The following PCSK2 variants were observed in gnomAD, a reference collection of about 807,000 sequenced individuals.
The protein encoded by PCSK2 is neuroendocrine convertase 2.
PCSK2 carries 14 observed loss-of-function variants against 69.7 expected under a neutral mutation model. That is an observed-to-expected ratio of 0.20 (90% CI 0.13 to 0.31). The LOEUF is 0.31. Among genes scored for constraint, PCSK2 ranks in the 10% least tolerant of loss-of-function variants. The probability of loss-of-function intolerance (pLI) is 1.00; values close to 1 mark genes in which losing one functional copy is unlikely to be tolerated. For synonymous variants in PCSK2, 307 were observed against 320.7 expected, an observed-to-expected ratio of 0.96 and a Z score of 0.46; for missense variants, 544 against 842.5, an observed-to-expected ratio of 0.65 and a Z score of 4.39.
At chr20:17,335,198 G>GA (rs1162549485) in intron 2 of PCSK2, among the ~76,000 whole-genome samples, 3 of 151,976 alleles carry the variant, frequency 2.0e-5, no homozygotes, top group Admixed American at 6.6e-5. Flanking sequence ...GAGATTGGGG[G>GA]GGTTGTCTGA....
chr20:17,386,938 G>A (rs1372924362), intron 5 of PCSK2, among the ~76,000 whole-genome samples: 3 of 152,150 alleles, frequency 2.0e-5, no homozygotes, highest in Non-Finnish European at 4.4e-5. Context: ...TACCTAGTCT[G>A]TAGCCCTGCC....
intron 1 of PCSK2, among the ~76,000 whole-genome samples, chr20:17,256,626 CT>C (rs1009684502): frequency 2.0e-5 from 3 of 147,056 alleles, no homozygotes; most frequent in South Asian, 2.2e-4. Flanking sequence ...GTTTTTTTTT[CT>C]TTTTTTTTAA....
rs1990726496 is a variant in PCSK2 at position 17,347,968 on chromosome 20, A to AAAG, written c.283-10358_283-10357insAGA. Among the ~76,000 whole-genome samples, 7 of 60,316 alleles carry AAAG rather than the reference A, an allele frequency of 1.2e-4. 2 individuals are homozygous for AAAG. Among genetic ancestry groups the AAAG allele is most frequent in the Admixed American group, 4.9e-4 (2 of 4,056 alleles). The allele number at this position is 60,316 out of a possible 152,430, so 39.6% of individuals were successfully genotyped here. ...AGAAAGAAAGAAAGAAAGAGAAAGA[A>AAAG]AGAAAGAAAGAAAGAGGAGAGAGAA... is the stretch of plus-strand genomic sequence containing the variant. On this transcript the variant is annotated intron_variant, in intron 2 of 11. Transcript: ENST00000262545.
At chr20:17,243,823 A>C (rs1050651099) in intron 1 of PCSK2, among the ~76,000 whole-genome samples, 1 of 152,216 alleles carries the variant, frequency 6.6e-6, no homozygotes, top group African/African-American at 2.4e-5. Context: ...CTGCAAAATA[A>C]CTGGCCTGTA....
At chr20:17,420,087 ATTAG>A (rs1275853787) in intron 6 of PCSK2, among the ~76,000 whole-genome samples, 22 of 152,220 alleles carry the variant, frequency 1.4e-4, no homozygotes, top group Admixed American at 1.3e-4. Context: ...GATTGATAGC[ATTAG>A]TTAAACCTTC....
chr20:17,433,810 TCTCC>T (rs1456055182), intron 7 of PCSK2, among the ~76,000 whole-genome samples: 3 of 113,874 alleles, frequency 2.6e-5, no homozygotes, highest in Admixed American at 8.1e-5. Context: ...TCTCTCTCTC[TCTCC>T]CCCCACTTCC....
intron 2 of PCSK2, among the ~76,000 whole-genome samples, chr20:17,354,312 G>A (rs1181865010): frequency 1.3e-5 from 2 of 152,072 alleles, no homozygotes; most frequent in East Asian, 1.9e-4. Context: ...TGAACTATAC[G>A]TTATTTTCTG....
intron 5 of PCSK2, among the ~76,000 whole-genome samples, chr20:17,377,911 G>C (rs2123246150): frequency 6.6e-6 from 1 of 152,328 alleles, no homozygotes; most frequent in South Asian, 2.1e-4. Context: ...TACAGCTATA[G>C]CTGAAAGCAA....
chr20:17,429,867 T>C (rs952665682), intron 7 of PCSK2, among the ~76,000 whole-genome samples: 13 of 151,204 alleles, frequency 8.6e-5, no homozygotes, highest in African/African-American at 2.7e-4. Context: ...AATCATGATC[T>C]TGTTTTTTAA....
chr20:17,235,477 T>C (rs958040628), intron 1 of PCSK2, among the ~76,000 whole-genome samples: 2 of 151,964 alleles, frequency 1.3e-5, no homozygotes, highest in African/African-American at 4.8e-5. Context: ...GGCAAAAGAG[T>C]CCAAAGAAAA....
chr20:17,254,350 T>A (rs565695260), intron 1 of PCSK2, among the ~76,000 whole-genome samples: 1 of 152,324 alleles, frequency 6.6e-6, no homozygotes, highest in Admixed American at 6.5e-5. Context: ...GGACTACTAA[T>A]CATTTTGAGT....
At chr20:17,362,915 C>T (rs2030450965) in intron 4 of PCSK2, among the ~76,000 whole-genome samples, 1 of 152,246 alleles carries the variant, frequency 6.6e-6, no homozygotes, top group Non-Finnish European at 1.5e-5. Flanking sequence ...AGGACAGATG[C>T]TCTTGCCATG....
chr20:17,335,027 G>T (rs987446374), intron 2 of PCSK2, among the ~76,000 whole-genome samples: 3 of 152,162 alleles, frequency 2.0e-5, no homozygotes, highest in Non-Finnish European at 4.4e-5. Flanking sequence ...GTAGAATGGT[G>T]GACAATTATT....
chr20:17,248,049 A>G lies in PCSK2; in HGVS notation c.178-12191A>G, dbSNP rs559461478. Among the ~76,000 whole-genome samples, 344 of 152,298 alleles carry G rather than the reference A, an allele frequency of 2.3e-3. 1 individual carries two copies. Among genetic ancestry groups the G allele is most frequent in the African/African-American group, 7.3e-3 (303 of 41,550 alleles). On this transcript the variant is annotated intron_variant, in intron 1 of 11. Coordinates refer to ENST00000262545, the MANE Select transcript of PCSK2 (RefSeq NM_002594.5). ...AAGTCTGACTTAGCAGCATTATTATACTGTCACCCAGCCTGAATCTTCAAG... is the reference window on the plus strand; with the variant it reads ...AAGTCTGACTTAGCAGCATTATTATGCTGTCACCCAGCCTGAATCTTCAAG...
rs1413281211 is a variant in PCSK2 at position 17,482,797 on chromosome 20, A to T, written c.*727A>T. ...CTCTCACCAGCTGCTGCTCTGAGTT[A>T]TGTTAAAATCCGCTAGAGCAGCCCA... is the stretch of plus-strand genomic sequence containing the variant. On this transcript the variant is annotated 3_prime_UTR_variant, in exon 12 of 12. Coordinates refer to ENST00000262545, the MANE Select transcript of PCSK2 (RefSeq NM_002594.5). The T allele has an allele frequency of 6.6e-6, 1 of 152,520 alleles. No individual in the cohort carries two copies. Among genetic ancestry groups the T allele is most frequent in the Admixed American group, 6.5e-5 (1 of 15,284 alleles). The allele number at this position is 152,520 out of a possible 1,614,324, so 9.4% of individuals were successfully genotyped here.
chr20:17,338,704 AG>A (rs1406049322), intron 2 of PCSK2, among the ~76,000 whole-genome samples: 1 of 152,124 alleles, frequency 6.6e-6, no homozygotes, highest in African/African-American at 2.4e-5. Context: ...AGAGTGAGAG[AG>A]GGGTCATTCC....
rs566006014 is a variant in PCSK2, at chr20:17,269,055, C to T, written c.282+8711C>T. Among the ~76,000 whole-genome samples, 5 of 152,266 alleles carry T rather than the reference C, an allele frequency of 3.3e-5. No homozygotes were observed. In the South Asian group the frequency reaches 1.0e-3, roughly 32 times the overall value. The stretch of plus-strand genomic sequence containing the variant: ...CATATGGACAAGATGGTGAGAGGAG[C>T]AGGTTGATGGGGAGTGGTTAGGGAA... On this transcript the variant is annotated intron_variant, in intron 2 of 11. Coordinates refer to ENST00000262545, the MANE Select transcript of PCSK2 (RefSeq NM_002594.5).
intron 5 of PCSK2, among the ~76,000 whole-genome samples, chr20:17,369,526 CA>C (rs1206675928): frequency 6.6e-6 from 1 of 152,156 alleles, no homozygotes; most frequent in Non-Finnish European, 1.5e-5. Context: ...CATAGGCACA[CA>C]TGCATGCACA....
chr20:17,320,689 C>T (rs770226749), intron 2 of PCSK2, among the ~76,000 whole-genome samples: 11 of 152,280 alleles, frequency 7.2e-5, no homozygotes, highest in South Asian at 2.1e-4. Flanking sequence ...TGTCAGAGAC[C>T]GCTGGAGGGT....
Sources: gnomAD v4.1 joint callset for allele counts (sites outside exome capture counted in the v4.1 genomes callset) on GRCh38, gnomAD v4.1.1 for gene constraint, MANE v1.5 for transcripts, NCBI Gene and HGNC (gene_info 2026-07-23, HGNC 2026-07-21) for gene names.